FOCAD: variants seen among roughly 807,000 people sequenced by gnomAD.
FOCAD encodes KIAA1797.
Under a neutral mutation model 225.6 loss-of-function variants are expected in FOCAD, and 198 were observed. That is an observed-to-expected ratio of 0.88 (90% CI 0.78 to 0.99). The LOEUF is 0.99. FOCAD is among the 50% of genes least tolerant of loss of function. FOCAD has a pLI of 0.00. For missense variants in FOCAD, 2,713 were observed against 2,123.6 expected (o/e 1.28, Z -5.46); for synonymous variants, 897 against 755.0 (o/e 1.19, Z -3.08).
At position 20,702,540 on chromosome 9, in the gene FOCAD, C is replaced by G. The variant is rs563320771; in HGVS notation, c.-32-12782C>G. ...ACATAATTAGGCAATTAATTTTGAC[C>G]TCTCCTTTCCTCACTTGGTTTTTCA... On this transcript the variant is annotated intron_variant, in intron 1 of 43. Transcript: ENST00000338382. Among the ~76,000 whole-genome samples the G allele has an allele frequency of 2.6e-5, 4 of 152,220 alleles. No individual in the cohort carries two copies. The East Asian group carries it at 5.8e-4, about 22-fold the overall frequency.
intron 11 of FOCAD, among the ~76,000 whole-genome samples, chr9:20,803,199 A>G (rs954813690): frequency 6.6e-6 from 1 of 152,050 alleles, no homozygotes; most frequent in Admixed American, 6.6e-5. Flanking sequence ...AAATGAGAGG[A>G]TAGGTGAAAA....
At chr9:20,812,929 G>A in intron 11 of FOCAD, among the ~76,000 whole-genome samples, 1 of 151,996 alleles carries the variant, frequency 6.6e-6, no homozygotes, top group South Asian at 2.1e-4. Context: ...GTACAGTATT[G>A]TTAAGTATAT....
At chr9:20,720,321 G>A (rs1323451071) in intron 3 of FOCAD, 59 bp from the exon 4 acceptor site, 12 of 1,498,324 alleles carry the variant, frequency 8.0e-6, no homozygotes, top group Middle Eastern at 1.7e-4. Context: ...GACCAAAGGT[G>A]TGTGTGTGTG....
At chr9:20,911,485 CA>C (rs1192701058) in intron 22 of FOCAD, among the ~76,000 whole-genome samples, 1 of 152,028 alleles carries the variant, frequency 6.6e-6, no homozygotes, top group Non-Finnish European at 1.5e-5. Flanking sequence ...TGAGATTATA[CA>C]GATAAAAATA....
At chr9:20,724,846 C>A (rs1826065612) in intron 4 of FOCAD, among the ~76,000 whole-genome samples, 1 of 152,104 alleles carries the variant, frequency 6.6e-6, no homozygotes, top group Non-Finnish European at 1.5e-5. Context: ...TCTTCTGAGA[C>A]AGAAAACCAT....
chr9:20,894,127 C>T lies in FOCAD; in HGVS notation c.2625+8897C>T, dbSNP rs1010907815. ...AGAATGTCAAGTAGTTGGAATCATACGGTATATAGATTTTTCAGACTGGCT... is the reference window on the plus strand; with the variant it reads ...AGAATGTCAAGTAGTTGGAATCATATGGTATATAGATTTTTCAGACTGGCT... On this transcript the variant is annotated intron_variant, in intron 21 of 43. Transcript: ENST00000338382. 7.2e-5 allele frequency among the ~76,000 whole-genome samples: 11 copies of T among 151,964 alleles called. No homozygotes were observed. In the East Asian group the frequency reaches 7.7e-4, roughly 11 times the overall value.
intron 2 of FOCAD, among the ~76,000 whole-genome samples, chr9:20,675,168 T>C (rs974022629): frequency 9.2e-5 from 14 of 152,298 alleles, no homozygotes; most frequent in Admixed American, 3.3e-4. Flanking sequence ...TAAGGAAGTC[T>C]GGGAAAGTAT....
intron 24 of FOCAD, among the ~76,000 whole-genome samples, chr9:20,919,385 C>G (rs755005218): frequency 4.6e-5 from 7 of 152,188 alleles, no homozygotes; most frequent in Non-Finnish European, 7.3e-5. Context: ...AATGGCCATA[C>G]TGCCCAAGGT....
At chr9:20,960,621 C>T (rs903510009) in intron 35 of FOCAD, among the ~76,000 whole-genome samples, 30 of 151,800 alleles carry the variant, frequency 2.0e-4, no homozygotes, top group African/African-American at 7.0e-4. Flanking sequence ...TTCTAGGGTA[C>T]ATGTACACAA....
chr9:20,786,919 A>G, intron 10 of FOCAD: 1 of 384,784 alleles, frequency 2.6e-6, no homozygotes, highest in South Asian at 2.2e-5. Flanking sequence ...CTCTAAAAGC[A>G]AAGCTTACTA....
intron 8 of FOCAD, among the ~76,000 whole-genome samples, chr9:20,777,556 T>G (rs1818889976): frequency 6.6e-6 from 1 of 152,138 alleles, no homozygotes; most frequent in Non-Finnish European, 1.5e-5. Flanking sequence ...GGTTTTCCAT[T>G]TCTATGGTCA....
intron 8 of FOCAD, among the ~76,000 whole-genome samples, chr9:20,775,168 T>G (rs1417589532): frequency 1.3e-5 from 2 of 152,234 alleles, no homozygotes; most frequent in East Asian, 1.9e-4. Context: ...GAAAATGGAT[T>G]TATTTCTTAG....
chr9:20,976,915 C>G (rs1253301460), intron 36 of FOCAD, among the ~76,000 whole-genome samples: 1 of 152,184 alleles, frequency 6.6e-6, no homozygotes, highest in Admixed American at 6.6e-5. Flanking sequence ...TCTATTGCTG[C>G]TGTAACAAAT....
intron 18 of FOCAD, among the ~76,000 whole-genome samples, chr9:20,870,042 G>A (rs1483891397): frequency 6.6e-6 from 1 of 152,056 alleles, no homozygotes; most frequent in African/African-American, 2.4e-5. Flanking sequence ...AAAAAACTAT[G>A]GAGAAGTTTC....
chr9:20,882,140 T>G, intron 20 of FOCAD, 84 bp downstream of exon 20: 33 of 1,183,266 alleles, frequency 2.8e-5, no homozygotes, highest in Non-Finnish European at 3.7e-5. Context: ...TAATGGGCCA[T>G]GGCAGGGTGT....
At chr9:20,703,796 G>A (rs565215888) in intron 1 of FOCAD, among the ~76,000 whole-genome samples, 3 of 152,166 alleles carry the variant, frequency 2.0e-5, no homozygotes, top group Admixed American at 2.0e-4. Flanking sequence ...TGCCTGCTAT[G>A]TGCAAGACTC....
chr9:20,825,663 A>G (rs909505024), intron 15 of FOCAD, among the ~76,000 whole-genome samples: 1 of 152,140 alleles, frequency 6.6e-6, no homozygotes, highest in Non-Finnish European at 1.5e-5. Context: ...TGCCTTTGTA[A>G]AATAAGTAGT....
At chr9:20,787,957 T>C (rs1820101201) in intron 10 of FOCAD, among the ~76,000 whole-genome samples, 1 of 152,220 alleles carries the variant, frequency 6.6e-6, no homozygotes, top group Non-Finnish European at 1.5e-5. Context: ...AAATTGCATA[T>C]CTACTCTTAG....
intron 1 of FOCAD, among the ~76,000 whole-genome samples, chr9:20,700,867 T>G (rs1234399906): frequency 6.6e-6 from 1 of 152,240 alleles, no homozygotes; most frequent in Non-Finnish European, 1.5e-5. Flanking sequence ...ATTAACTGCT[T>G]ATTCCATGCC....
Sources: gnomAD v4.1 joint callset for allele counts (sites outside exome capture counted in the v4.1 genomes callset) on GRCh38, gnomAD v4.1.1 for gene constraint, MANE v1.5 for transcripts, NCBI Gene and HGNC (gene_info 2026-07-23, HGNC 2026-07-21) for gene names.